The following CBFA2T3 variants were observed in gnomAD, a reference collection of about 807,000 sequenced individuals.
The protein encoded by CBFA2T3 is CBFA2/RUNX1 partner transcriptional co-repressor 3.
A neutral mutation model predicts 58.6 loss-of-function variants in CBFA2T3; 31 were observed. The ratio of observed to expected loss-of-function variants is 0.53; its 90% confidence interval spans 0.40 to 0.71. The LOEUF (loss-of-function observed/expected upper bound fraction) is 0.71. Ranked by LOEUF, CBFA2T3 falls within the 30% of genes least tolerant of loss-of-function variation. CBFA2T3 has a pLI of 0.00. For missense variants in CBFA2T3, 1,076 were observed against 963.1 expected, an observed-to-expected ratio of 1.12 and a Z score of -1.55; for synonymous variants, 531 against 421.9, an observed-to-expected ratio of 1.26 and a Z score of -3.17.
At chr16:88,959,944 AC>A (rs1972318795) in intron 1 of CBFA2T3, among the ~76,000 whole-genome samples, 1 of 152,162 alleles carries the variant, frequency 6.6e-6, no homozygotes. Context: ...CACGAGAATC[AC>A]TTGAACGCAG....
chr16:88,915,005 G>A (rs1184499388), intron 1 of CBFA2T3, among the ~76,000 whole-genome samples: 10 of 151,028 alleles, frequency 6.6e-5, no homozygotes, highest in East Asian at 4.0e-4. Flanking sequence ...GCTGCCAGCC[G>A]GGGGCAGGGG....
At chr16:88,941,157 C>T in intron 1 of CBFA2T3, 1 of 982,768 alleles carries the variant, frequency 1.0e-6, no homozygotes, top group Non-Finnish European at 1.2e-6. Context: ...GGCGCCGCAC[C>T]GGGCTCAGGC....
At position 88,918,255 on chromosome 16, in the gene CBFA2T3, C is replaced by T. The variant is rs184667582; in HGVS notation, c.152-16599G>A. Reference sequence around the variant, plus strand: ...CCTTTTGCTTCTCAGTTTTTTGACACTGAGGCACCAAGCTGGGCCCTCCCT... The same window carrying T: ...CCTTTTGCTTCTCAGTTTTTTGACATTGAGGCACCAAGCTGGGCCCTCCCT... On this transcript the variant is annotated intron_variant, in intron 1 of 11. Coordinates refer to ENST00000268679, the MANE Select transcript of CBFA2T3 (RefSeq NM_005187.6). Among the ~76,000 whole-genome samples, 709 of 152,358 alleles carry T rather than the reference C, an allele frequency of 4.7e-3. 2 individuals carry two copies. Among genetic ancestry groups the T allele is most frequent in the African/African-American group, 0.016 (683 of 41,598 alleles).
chr16:88,889,674 C>T (rs1369940036), intron 5 of CBFA2T3, among the ~76,000 whole-genome samples: 2 of 152,086 alleles, frequency 1.3e-5, no homozygotes, highest in East Asian at 3.9e-4. Context: ...GAGAGACCTT[C>T]CTGAAGCACT....
intron 1 of CBFA2T3, among the ~76,000 whole-genome samples, chr16:88,969,391 G>A (rs893189164): frequency 2.2e-4 from 33 of 152,370 alleles, no homozygotes; most frequent in African/African-American, 7.5e-4. Flanking sequence ...CTTGGCAGGG[G>A]TGGGAGGCCT....
intron 1 of CBFA2T3, among the ~76,000 whole-genome samples, chr16:88,942,620 C>T (rs746937450): frequency 1.1e-4 from 17 of 152,192 alleles, no homozygotes; most frequent in Non-Finnish European, 2.4e-4. Flanking sequence ...AGCACCATGT[C>T]CTCCTGCAGC....
intron 1 of CBFA2T3, among the ~76,000 whole-genome samples, chr16:88,975,178 A>ACCTCCAGC (rs1567643980): frequency 2.5e-3 from 117 of 46,224 alleles, no homozygotes; most frequent in Middle Eastern, 0.023. Context: ...TCTCTGCTCC[A>ACCTCCAGC]CATCTTTAGC....
At position 88,956,538 on chromosome 16, in the gene CBFA2T3, C is replaced by T. The variant is rs12149193; in HGVS notation, c.151+20119G>A. On this transcript the variant is annotated intron_variant, in intron 1 of 11. Coordinates refer to ENST00000268679, the MANE Select transcript of CBFA2T3 (RefSeq NM_005187.6). The stretch of plus-strand genomic sequence containing the variant: ...GCCCCATTCATTTAGTTCCACAGGT[C>T]GGGGCTTCCCAGCAGGGGACATGGA... Among the ~76,000 whole-genome samples, 780 of 152,346 alleles carry T rather than the reference C, an allele frequency of 5.1e-3. 4 individuals are homozygous for T. Among genetic ancestry groups the T allele is most frequent in the South Asian group, 0.014 (68 of 4,832 alleles).
intron 1 of CBFA2T3, chr16:88,937,952 C>T (rs476328): frequency 0.38 from 58,369 of 151,810 alleles, 11,619 homozygotes; most frequent in Middle Eastern, 0.53. Context: ...CACTGGATGC[C>T]ATGTCTGTGA....
Position 88,885,154 on chromosome 16 carries a change from T to C in CBFA2T3, c.1009A>G (p.Thr337Ala), listed in dbSNP as rs898903047. 1.9e-6 allele frequency: 3 copies of C among 1,601,142 alleles called. No homozygotes were observed. Among genetic ancestry groups the C allele is most frequent in the Non-Finnish European group, 2.6e-6 (3 of 1,174,218 alleles). The change falls in exon 7 of 12, where the codon ACA becomes GCA. Residue 337 changes from threonine to alanine, a missense_variant. Thr to Ala is a moderately conservative substitution (Grantham distance 58, BLOSUM62 0). Transcript: ENST00000268679. This position sits in a 1 kb window ranked among gnomAD's most constrained non-coding sequence, Gnocchi z 5.3. Reference protein sequence around the residue: ...YSPSNGPPQPTPPPHYRLEDI... With the variant: ...YSPSNGPPQPAPPPHYRLEDI... ...TCCAGGCGGTAGTGCGGCGGCGGTG[T>C]GGGCTGCGGTGGCCCGTTGCTGGGG...
In CBFA2T3 at chr16:88,876,711, G is replaced by A. The variant is rs765743904; in HGVS notation, c.*265C>T. The A allele has an allele frequency of 1.4e-5, 6 of 430,194 alleles. No individual in the cohort carries two copies. The East Asian group carries it at 1.9e-4, about 13-fold the overall frequency. The allele number at this position is 430,194 out of a possible 1,614,324, so 26.6% of individuals were successfully genotyped here. Reference sequence around the variant, plus strand: ...CTAAAGCTCAGTCGAGGCTTCTGAGGATGCTTGAAGAGACGTTGTCAGGAG... The same window carrying A: ...CTAAAGCTCAGTCGAGGCTTCTGAGAATGCTTGAAGAGACGTTGTCAGGAG... On this transcript the variant is annotated 3_prime_UTR_variant, in exon 12 of 12. Coordinates refer to ENST00000268679, the MANE Select transcript of CBFA2T3 (RefSeq NM_005187.6).
intron 7 of CBFA2T3, among the ~76,000 whole-genome samples, chr16:88,883,105 A>C (rs1597661298): frequency 6.6e-6 from 1 of 152,148 alleles, no homozygotes; most frequent in Non-Finnish European, 1.5e-5. Context: ...TGGGGTGTGG[A>C]CCGAGGCTGG....
intron 1 of CBFA2T3, among the ~76,000 whole-genome samples, chr16:88,916,472 G>A (rs765242253): frequency 3.2e-4 from 48 of 152,274 alleles, no homozygotes; most frequent in Non-Finnish European, 6.3e-4. Flanking sequence ...GTATGTGTGC[G>A]TGTGTATTCC....
intron 1 of CBFA2T3, among the ~76,000 whole-genome samples, chr16:88,919,382 G>A (rs549723633): frequency 1.3e-5 from 2 of 152,344 alleles, no homozygotes; most frequent in Admixed American, 1.3e-4. Flanking sequence ...CCTTTCTGCA[G>A]AAAGTAAATA....
chr16:88,892,293 A>G lies in CBFA2T3; in HGVS notation c.572T>C (p.Ile191Thr). The change falls in exon 4 of 12, where the codon ATC becomes ACC. Residue 191 changes from isoleucine (I) to threonine (T), a missense_variant. Physicochemically the swap from Ile to Thr is moderately conservative, Grantham distance 89. Transcript: ENST00000268679. Reference sequence around the variant, plus strand: ...CACGCGCTCCCCAATCTCTGGGGAGATGTCGCTGCCAAACTGCTGCAGTGT... The same window carrying G: ...CACGCGCTCCCCAATCTCTGGGGAGGTGTCGCTGCCAAACTGCTGCAGTGT... ...LTTLQQFGSD[I>T]SPEIGERVRT... 1 of 1,612,592 alleles carries G rather than the reference A, an allele frequency of 6.2e-7. No homozygotes were observed. Among genetic ancestry groups the G allele is most frequent in the Non-Finnish European group, 8.5e-7 (1 of 1,179,946 alleles).
intron 11 of CBFA2T3, among the ~76,000 whole-genome samples, chr16:88,878,901 A>G (rs776527139): frequency 1.4e-4 from 22 of 152,208 alleles, no homozygotes; most frequent in Non-Finnish European, 2.9e-4. Flanking sequence ...AGCCGAGGTC[A>G]TGCCACAGCA....
intron 2 of CBFA2T3, among the ~76,000 whole-genome samples, chr16:88,898,740 C>T (rs1051893030): frequency 5.3e-5 from 8 of 152,172 alleles, no homozygotes; most frequent in African/African-American, 1.7e-4. Context: ...AAGAAAGATT[C>T]GGCTGGGCTC....
intron 3 of CBFA2T3, among the ~76,000 whole-genome samples, chr16:88,896,428 G>A (rs958691187): frequency 5.9e-5 from 9 of 152,146 alleles, no homozygotes; most frequent in Non-Finnish European, 1.3e-4. Flanking sequence ...TAACGGCGTC[G>A]TATTCTGGGG....
chr16:88,950,447 C>T, intron 1 of CBFA2T3: 1 of 421,082 alleles, frequency 2.4e-6, no homozygotes, highest in Middle Eastern at 3.5e-4. Context: ...GTGTTGGCAC[C>T]TGTCTTCCGG....
Sources: gnomAD v4.1 joint callset for allele counts (sites outside exome capture counted in the v4.1 genomes callset) on GRCh38, gnomAD v4.1.1 for gene constraint, Gnocchi (gnomAD v3.1) non-coding constraint, MANE v1.5 for transcripts, NCBI Gene and HGNC (gene_info 2026-07-23, HGNC 2026-07-21) for gene names.